Variants in SNAP47 observed in about 807,000 individuals in gnomAD.
SNAP47 encodes synaptosomal-associated protein 47.
Under a neutral mutation model 31.4 loss-of-function variants are expected in SNAP47, and 20 were observed. The ratio of observed to expected loss-of-function variants is 0.64; its 90% CI spans 0.45 to 0.93. The LOEUF (loss-of-function observed/expected upper bound fraction) is 0.93, where lower values mean the gene tolerates loss of function less well. SNAP47 is among the 40% of genes least tolerant of loss of function. The pLI, the probability that SNAP47 is intolerant of heterozygous loss-of-function variation, is 0.00. For synonymous variants in SNAP47, 194 were observed against 213.4 expected (o/e 0.91, Z 0.79); for missense variants, 492 against 528.5 (o/e 0.93, Z 0.68).
At chr1:227,754,625 AT>A (rs996571368) in intron 2 of SNAP47, among the ~76,000 whole-genome samples, 1 of 151,936 alleles carries the variant, frequency 6.6e-6, no homozygotes, top group African/African-American at 2.4e-5. Flanking sequence ...CTGTATAGAG[AT>A]TTTTAAAGTG....
upstream of SNAP47, chr1:227,731,204 A>G (rs1660621110): frequency 6.6e-6 from 1 of 152,384 alleles, no homozygotes; most frequent in Non-Finnish European, 1.5e-5. Context: ...GCTGGAGCGC[A>G]TTCATTCGAC....
chr1:227,749,811 G>A (rs1333970199), intron 2 of SNAP47, among the ~76,000 whole-genome samples: 2 of 124,784 alleles, frequency 1.6e-5, no homozygotes, highest in African/African-American at 5.9e-5. Flanking sequence ...GTTTGTGTCT[G>A]TGTGTATTTG....
At chr1:227,735,385 C>T (rs780095164), upstream of SNAP47, 11 of 1,584,160 alleles carry the variant, frequency 6.9e-6, no homozygotes, top group Admixed American at 1.7e-5. Context: ...GCCCCGCCAG[C>T]GCCTGGGGCT....
intron 4 of SNAP47, chr1:227,776,730 G>A (rs1403067826): frequency 2.2e-5 from 22 of 985,438 alleles, no homozygotes; most frequent in East Asian, 1.1e-4. Flanking sequence ...TTGAAGGTTC[G>A]CTCAGGAATG....
At chr1:227,765,729 A>G (rs1412299243) in intron 3 of SNAP47, among the ~76,000 whole-genome samples, 1 of 152,034 alleles carries the variant, frequency 6.6e-6, no homozygotes, top group Non-Finnish European at 1.5e-5. Flanking sequence ...GTCTCACCCC[A>G]CTTCCCCACT....
At chr1:227,728,430 C>T (rs1660446177), upstream of SNAP47, 3 of 148,802 alleles carry the variant, frequency 2.0e-5, no homozygotes, top group Non-Finnish European at 4.5e-5. Flanking sequence ...GCCGCCCGCC[C>T]TGCCTGCCCC....
intron 2 of SNAP47, among the ~76,000 whole-genome samples, chr1:227,757,306 G>C (rs1662758784): frequency 6.6e-6 from 1 of 152,186 alleles, no homozygotes; most frequent in Non-Finnish European, 1.5e-5. Flanking sequence ...GTGTGAGTGT[G>C]GCTCTTGGCA....
intron 1 of SNAP47, among the ~76,000 whole-genome samples, chr1:227,744,880 G>A (rs889263049): frequency 6.6e-6 from 1 of 152,326 alleles, no homozygotes; most frequent in Non-Finnish European, 1.5e-5. Flanking sequence ...AGGCTGTGGG[G>A]CCACACAACT....
chr1:227,732,671 G>C (rs909307239), upstream of SNAP47: 9 of 1,612,422 alleles, frequency 5.6e-6, no homozygotes, highest in Non-Finnish European at 7.6e-6. Context: ...AGGACCTCAT[G>C]ATGACCTGGG....
intron 4 of SNAP47, among the ~76,000 whole-genome samples, chr1:227,780,205 G>A (rs368026388): frequency 2.0e-5 from 3 of 152,152 alleles, no homozygotes; most frequent in Non-Finnish European, 4.4e-5. Flanking sequence ...CACATGCAAC[G>A]CTCCCACAAG....
At position 227,772,009 on chromosome 1, in the gene SNAP47, G is replaced by GCTTGACCGAGTGCTGAGTGGGA. The variant is rs1663847333; in HGVS notation, c.1113+4930_1113+4951dup. On this transcript the variant is annotated intron_variant, in intron 4 of 4. Transcript: ENST00000617596. The stretch of plus-strand genomic sequence containing the variant: ...TGAACAGGTCAAGCAGAGACCGAGT[G>GCTTGACCGAGTGCTGAGTGGGA]CTTGACCGAGTGCTGAGTGGGACTT... 2.0e-5 allele frequency among the ~76,000 whole-genome samples: 3 copies of GCTTGACCGAGTGCTGAGTGGGA among 152,216 alleles called. No homozygotes were observed. In the South Asian group the frequency reaches 6.2e-4, roughly 32 times the overall value.
At chr1:227,774,752 A>T (rs184422797) in intron 4 of SNAP47, among the ~76,000 whole-genome samples, 45 of 152,276 alleles carry the variant, frequency 3.0e-4, no homozygotes, top group Non-Finnish European at 6.0e-4. Flanking sequence ...TCCTATTTTG[A>T]GGGTACCACT....
At chr1:227,756,424 A>C (rs968323920) in intron 2 of SNAP47, among the ~76,000 whole-genome samples, 1 of 152,212 alleles carries the variant, frequency 6.6e-6, no homozygotes, top group East Asian at 1.9e-4. Context: ...TGTCAATATC[A>C]GTTTCCTTTA....
rs1041353566 is a variant in SNAP47, at chr1:227,763,029, T to C, written c.988+3544T>C. The stretch of plus-strand genomic sequence containing the variant: ...TGGAGTGCAGAGGTGCAATCATAGC[T>C]CACTGTAACTTCAATCTCCTGGGCC... On this transcript the variant is annotated intron_variant, in intron 3 of 4. Transcript: ENST00000617596. This position sits in a 1 kb window ranked among gnomAD's most constrained non-coding sequence, Gnocchi z 4.2. Among the ~76,000 whole-genome samples the C allele has an allele frequency of 1.3e-5, 2 of 152,100 alleles. No individual in the cohort carries two copies. The highest frequency in any genetic ancestry group is 1.9e-4 in the East Asian group (1 of 5,190).
intron 1 of SNAP47, among the ~76,000 whole-genome samples, chr1:227,739,445 A>G (rs552898655): frequency 5.5e-4 from 84 of 152,268 alleles, no homozygotes; most frequent in African/African-American, 1.9e-3. Context: ...CTTTGTGGCT[A>G]GAGTTGGGAA....
In SNAP47 at chr1:227,769,518, C is replaced by T. The variant is rs557242056; in HGVS notation, c.1113+2435C>T. On this transcript the variant is annotated intron_variant, in intron 4 of 4. Transcript: ENST00000617596. ...CTGGGGAAAATAAAAATGCACGAAA[C>T]CCCCCTTCATCCAGCTGTGGTTTTT... Among the ~76,000 whole-genome samples the T allele has an allele frequency of 1.4e-4, 21 of 152,200 alleles. No homozygotes were observed. The South Asian group carries it at 4.3e-3, about 32-fold the overall frequency.
At chr1:227,767,190 A>G in intron 4 of SNAP47, 107 bp downstream of exon 4, 6 of 1,493,336 alleles carry the variant, frequency 4.0e-6, no homozygotes, top group Non-Finnish European at 5.4e-6. Flanking sequence ...ATCCATCCGT[A>G]TTGGCCTCGC....
At chr1:227,759,953 G>T (rs1391653469) in intron 3 of SNAP47, among the ~76,000 whole-genome samples, 1 of 152,176 alleles carries the variant, frequency 6.6e-6, no homozygotes, top group African/African-American at 2.4e-5. Flanking sequence ...GAGGCAGGAT[G>T]CCCCTCTGAT....
upstream of SNAP47, chr1:227,732,799 C>T: frequency 6.3e-7 from 1 of 1,594,018 alleles, no homozygotes; most frequent in South Asian, 1.1e-5. Context: ...CACTGAGAAG[C>T]TGCGCGGTGA....
Sources: allele counts gnomAD v4.1 joint callset (sites outside exome capture counted in the v4.1 genomes callset), GRCh38; gene constraint gnomAD v4.1.1; non-coding constraint Gnocchi (gnomAD v3.1); transcripts MANE v1.5; gene names NCBI Gene and HGNC (gene_info 2026-07-23, HGNC 2026-07-21).